AK8: variants seen among roughly 807,000 people sequenced by gnomAD.
AK8 encodes ATP-AMP transphosphorylase 8.
In AK8, 44 loss-of-function variants were observed where a neutral mutation model predicts 54.6. The observed-to-expected ratio is 0.81, with a 90% CI of 0.63 to 1.04. The LOEUF (loss-of-function observed/expected upper bound fraction) is 1.04, where lower values mean the gene tolerates loss of function less well. AK8 is among the 50% of genes least tolerant of loss of function. The probability of loss-of-function intolerance (pLI) is 0.00; values close to 1 mark genes in which losing one functional copy is unlikely to be tolerated. For missense variants in AK8, 555 were observed against 613.6 expected (o/e 0.90, Z 1.01); for synonymous variants, 239 against 245.6 (o/e 0.97, Z 0.25).
At chr9:132,833,053 G>A (rs1260970550) in intron 5 of AK8, among the ~76,000 whole-genome samples, 1 of 152,184 alleles carries the variant, frequency 6.6e-6, no homozygotes, top group Non-Finnish European at 1.5e-5. Flanking sequence ...AGGCAGCCAT[G>A]GAGGCTCTTC....
In AK8 at chr9:132,878,146, C is replaced by T. The variant is rs1844229386; in HGVS notation, c.84+26G>A. ...GAGGCTCCCGAGCCGCCGCCAGCGT[C>T]GCGACGGGCAGGGGTGTCCGGTCAC... On this transcript the variant is annotated intron_variant, in intron 1 of 12. Coordinates refer to ENST00000298545, the MANE Select transcript of AK8 (RefSeq NM_152572.3). The surrounding 1 kb of genome is among the most constrained non-coding windows in gnomAD (Gnocchi z 4.7). 2 of 1,534,192 alleles carry T rather than the reference C, an allele frequency of 1.3e-6. No homozygotes were observed. Among genetic ancestry groups the T allele is most frequent in the Admixed American group, 2.0e-5 (1 of 48,798 alleles).
intron 11 of AK8, among the ~76,000 whole-genome samples, chr9:132,741,900 A>G (rs1372889581): frequency 2.0e-5 from 3 of 152,134 alleles, no homozygotes; most frequent in Non-Finnish European, 4.4e-5. Flanking sequence ...ATGGCTCTCC[A>G]AGTCTCCACC....
intron 11 of AK8, among the ~76,000 whole-genome samples, chr9:132,748,418 C>A (rs1837755347): frequency 6.6e-6 from 1 of 151,980 alleles, no homozygotes; most frequent in Admixed American, 6.6e-5. Flanking sequence ...AGTGGGACGA[C>A]CTTTCACCCA....
chr9:132,757,931 A>G (rs753390091), intron 11 of AK8, among the ~76,000 whole-genome samples: 2 of 152,246 alleles, frequency 1.3e-5, no homozygotes, highest in Non-Finnish European at 2.9e-5. Flanking sequence ...CGAGGAGGGC[A>G]ATTCCACTGA....
chr9:132,836,253 C>T (rs7470076), intron 5 of AK8, among the ~76,000 whole-genome samples: 11,842 of 152,266 alleles, frequency 0.078, 549 homozygotes, highest in Admixed American at 0.12. Context: ...TGTGCCACTG[C>T]ACTTCAGCCT....
At chr9:132,758,450 T>C (rs532931854) in intron 11 of AK8, among the ~76,000 whole-genome samples, 17 of 152,250 alleles carry the variant, frequency 1.1e-4, no homozygotes, top group African/African-American at 4.1e-4. Flanking sequence ...TTTTTTTGTT[T>C]GTTTGTTTAT....
Position 132,770,835 on chromosome 9 carries a change from C to T in AK8, c.1121+21799G>A, listed in dbSNP as rs536105356. 4.6e-5 allele frequency among the ~76,000 whole-genome samples: 7 copies of T among 152,296 alleles called. No individual in the cohort carries two copies. The South Asian group carries it at 6.2e-4, about 14-fold the overall frequency. On this transcript the variant is annotated intron_variant, in intron 11 of 12. Coordinates refer to ENST00000298545, the MANE Select transcript of AK8 (RefSeq NM_152572.3). The surrounding 1 kb of genome is among the most constrained non-coding windows in gnomAD (Gnocchi z 4.3). ...AGCTGCTGAGTGCACGGCAGACCCC[C>T]TGGCATGGGGTTACACCTTCTCTCA... is the stretch of plus-strand genomic sequence containing the variant.
intron 10 of AK8, among the ~76,000 whole-genome samples, chr9:132,802,487 A>T (rs1405575479): frequency 6.6e-6 from 1 of 152,096 alleles, no homozygotes; most frequent in East Asian, 1.9e-4. Flanking sequence ...GCCGCCCTTG[A>T]ACTCTCTGGA....
At position 132,823,229 on chromosome 9, in the gene AK8, C is replaced by A; in HGVS notation, c.865G>T (p.Ala289Ser). 1 of 1,594,776 alleles carries A rather than the reference C, an allele frequency of 6.3e-7. No individual in the cohort carries two copies. The highest frequency in any genetic ancestry group is 1.1e-5 in the South Asian group (1 of 87,970). ...SGKSLQAALL[A>S]QKYRLVNVCC... is the part of the protein sequence containing the mutation. ...CCATTGACAAGCCTGTATTTCTGGG[C>A]CAGGAGGGCGGCCTGCAGACTTTTC... The change falls in exon 9 of 13, where the codon GCC (alanine) becomes TCC (serine). Residue 289 changes from alanine (A) to serine (S), a missense_variant. Transcript: ENST00000298545.
intron 7 of AK8, chr9:132,827,384 T>A (rs141753250): frequency 1.3e-4 from 48 of 381,688 alleles, no homozygotes; most frequent in African/African-American, 8.7e-4. Context: ...ATTAGGTTGG[T>A]ATTTTCATCC....
At chr9:132,789,816 T>C (rs184699996) in intron 11 of AK8, among the ~76,000 whole-genome samples, 1 of 152,182 alleles carries the variant, frequency 6.6e-6, no homozygotes, top group East Asian at 1.9e-4. Flanking sequence ...CCACCAATGC[T>C]GTGTCATGCT....
At chr9:132,872,638 ATT>A (rs34579665) in intron 2 of AK8, among the ~76,000 whole-genome samples, 69 of 146,012 alleles carry the variant, frequency 4.7e-4, no homozygotes, top group East Asian at 6.1e-4. Flanking sequence ...TTTCAAGCAC[ATT>A]TTTTTTTTTT....
chr9:132,788,030 C>CAA (rs757785650), intron 11 of AK8, among the ~76,000 whole-genome samples: 1 of 141,796 alleles, frequency 7.1e-6, no homozygotes, highest in Non-Finnish European at 1.5e-5. Context: ...TGGGAGTGAC[C>CAA]AAAAAAAAAA....
chr9:132,818,886 A>T (rs1316218894), intron 9 of AK8, among the ~76,000 whole-genome samples: 1 of 152,176 alleles, frequency 6.6e-6, no homozygotes, highest in Non-Finnish European at 1.5e-5. Flanking sequence ...TATGCTGTTT[A>T]CAAGACACAT....
In AK8 at chr9:132,796,770, TACACACACACACAC is replaced by T. The variant is rs10590924; in HGVS notation, c.980-4009_980-3996del. Reference sequence around the variant, plus strand: ...TTAATATATACACATACATACATGCTACACACACACACACACACACACACACACACACACACACA... The same window carrying T: ...TTAATATATACACATACATACATGCTACACACACACACACACACACACACA... On this transcript the variant is annotated intron_variant, in intron 10 of 12. Coordinates refer to ENST00000298545, the MANE Select transcript of AK8 (RefSeq NM_152572.3). Among the ~76,000 whole-genome samples the T allele has an allele frequency of 7.5e-3, 1,064 of 142,224 alleles. 10 individuals are homozygous for T. The highest frequency in any genetic ancestry group is 9.1e-3 in the Non-Finnish European group (600 of 65,650). The allele number at this position is 142,224 out of a possible 152,430, so 93.3% of individuals were successfully genotyped here.
intron 1 of AK8, among the ~76,000 whole-genome samples, chr9:132,877,372 A>T (rs1184650423): frequency 6.6e-6 from 1 of 152,138 alleles, no homozygotes; most frequent in Non-Finnish European, 1.5e-5. Context: ...CACAGACACC[A>T]CTATGCCCTC....
At chr9:132,871,578 A>G (rs1588241813) in intron 2 of AK8, among the ~76,000 whole-genome samples, 1 of 152,186 alleles carries the variant, frequency 6.6e-6, no homozygotes, top group African/African-American at 2.4e-5. Context: ...AAAAAGCTGG[A>G]CTCAGCTATT....
chr9:132,839,051 C>A (rs749280429), intron 5 of AK8, among the ~76,000 whole-genome samples: 1 of 152,000 alleles, frequency 6.6e-6, no homozygotes, highest in African/African-American at 2.4e-5. Context: ...TCAAGCGATT[C>A]TCCTGCCTCA....
chr9:132,775,508 G>A (rs1246721947), intron 11 of AK8, among the ~76,000 whole-genome samples: 1 of 152,006 alleles, frequency 6.6e-6, no homozygotes, highest in Non-Finnish European at 1.5e-5. Flanking sequence ...TTGCCATGTT[G>A]GCCAGTCTGG....
Sources: allele counts gnomAD v4.1 joint callset (sites outside exome capture counted in the v4.1 genomes callset), GRCh38; gene constraint gnomAD v4.1.1; non-coding constraint Gnocchi (gnomAD v3.1); transcripts MANE v1.5; gene names NCBI Gene and HGNC (gene_info 2026-07-23, HGNC 2026-07-21).